The following MITF variants were observed in gnomAD, a reference collection of about 807,000 sequenced individuals.
MITF encodes the protein microphthalmia-associated transcription factor.
MITF carries 17 observed loss-of-function variants against 60.5 expected under a neutral mutation model. The observed-to-expected ratio is 0.28, with a 90% confidence interval of 0.19 to 0.42. MITF has a LOEUF of 0.42. Ranked by LOEUF, MITF falls within the 10% of genes least tolerant of loss-of-function variation. MITF has a pLI of 1.00. For synonymous variants in MITF, 260 were observed against 248.5 expected (o/e 1.05, Z -0.43); for missense variants, 622 against 683.5 (o/e 0.91, Z 1.00).
chr3:69,968,096 T>C lies in MITF; in HGVS notation c.*2848T>C. 4.3e-6 allele frequency: 1 copy of C among 233,436 alleles called. No homozygotes were observed. The highest frequency in any genetic ancestry group is 8.5e-6 in the Non-Finnish European group (1 of 117,914). The allele number at this position is 233,436 out of a possible 1,614,324, so 14.5% of individuals were successfully genotyped here. On this transcript the variant is annotated 3_prime_UTR_variant, in exon 10 of 10. Transcript: ENST00000352241. ...TTATTAATATTTTTGAAAAATGCACTGGGAAAAAGTTGATGTCAATAACAG... is the reference window on the plus strand; with the variant it reads ...TTATTAATATTTTTGAAAAATGCACCGGGAAAAAGTTGATGTCAATAACAG...
At chr3:69,878,262 T>G (rs1291846693) in intron 1 of MITF, among the ~76,000 whole-genome samples, 1 of 152,208 alleles carries the variant, frequency 6.6e-6, no homozygotes, top group Admixed American at 6.5e-5. Context: ...TTTAATAACT[T>G]GATGTCATAG....
chr3:69,808,127 A>T (rs1171535163), intron 1 of MITF, among the ~76,000 whole-genome samples: 1 of 141,330 alleles, frequency 7.1e-6, no homozygotes, highest in Non-Finnish European at 1.5e-5. Flanking sequence ...AATATATAAT[A>T]TAAAAATATA....
chr3:69,748,201 T>C (rs1703802819), intron 1 of MITF, among the ~76,000 whole-genome samples: 1 of 152,246 alleles, frequency 6.6e-6, no homozygotes, highest in Non-Finnish European at 1.5e-5. Flanking sequence ...TTTTAGTAGC[T>C]GTGTTCTTTG....
chr3:69,930,625 TTGAA>T (rs1477967191), intron 2 of MITF, among the ~76,000 whole-genome samples: 1 of 152,200 alleles, frequency 6.6e-6, no homozygotes, highest in Non-Finnish European at 1.5e-5. Flanking sequence ...TATTTGTTGA[TTGAA>T]TGGTGAACAT....
intron 1 of MITF, among the ~76,000 whole-genome samples, chr3:69,868,730 C>T (rs2064164199): frequency 1.3e-5 from 2 of 151,960 alleles, no homozygotes; most frequent in African/African-American, 4.8e-5. Context: ...GAAATCCCGT[C>T]TCTACTAAAA....
At chr3:69,899,887 G>A (rs1465367346) in intron 2 of MITF, among the ~76,000 whole-genome samples, 1 of 152,160 alleles carries the variant, frequency 6.6e-6, no homozygotes, top group Non-Finnish European at 1.5e-5. Flanking sequence ...TTACCTCTGA[G>A]TGATGTCTCT....
intron 1 of MITF, among the ~76,000 whole-genome samples, chr3:69,787,358 A>G (rs1464677151): frequency 6.6e-6 from 1 of 152,216 alleles, no homozygotes; most frequent in African/African-American, 2.4e-5. Context: ...TCATGACACA[A>G]TTGACCTGAT....
At chr3:69,954,824 A>G (rs2066355839) in intron 7 of MITF, among the ~76,000 whole-genome samples, 1 of 152,188 alleles carries the variant, frequency 6.6e-6, no homozygotes, top group Non-Finnish European at 1.5e-5. Flanking sequence ...ATAATCCCTC[A>G]GCCAAAACAA....
At chr3:69,936,450 C>A in intron 2 of MITF, 2 of 519,558 alleles carry the variant, frequency 3.8e-6, no homozygotes, top group Non-Finnish European at 6.2e-6. Flanking sequence ...TGACGTCAAG[C>A]CAGGGGGAAA....
intron 2 of MITF, among the ~76,000 whole-genome samples, chr3:69,928,912 C>CT (rs1180371296): frequency 1.3e-5 from 2 of 152,140 alleles, no homozygotes; most frequent in East Asian, 3.9e-4. Context: ...GCCCTACTGG[C>CT]TTGTTGTACT....
At chr3:69,778,446 T>C (rs2062510223) in intron 1 of MITF, among the ~76,000 whole-genome samples, 1 of 152,170 alleles carries the variant, frequency 6.6e-6, no homozygotes, top group Non-Finnish European at 1.5e-5. Flanking sequence ...AGGGATTTAT[T>C]TATCTCCATA....
chr3:69,866,283 G>T (rs757030191), intron 1 of MITF: 1 of 1,613,334 alleles, frequency 6.2e-7, no homozygotes, highest in African/African-American at 1.3e-5. Context: ...CACCTTAAAG[G>T]AAAAAAGATG....
chr3:69,788,356 A>T (rs1376860941), intron 1 of MITF, among the ~76,000 whole-genome samples: 1 of 141,902 alleles, frequency 7.0e-6, no homozygotes, highest in South Asian at 2.3e-4. Context: ...TCATTGTTCA[A>T]TTCCCACCTA....
chr3:69,794,216 AG>A (rs1398609765), intron 1 of MITF, among the ~76,000 whole-genome samples: 7 of 152,200 alleles, frequency 4.6e-5, no homozygotes, highest in African/African-American at 1.7e-4. Flanking sequence ...TTCTGTGAAA[AG>A]GTGAGCTATA....
At chr3:69,865,158 A>G (rs749998874) in intron 1 of MITF, among the ~76,000 whole-genome samples, 6 of 152,142 alleles carry the variant, frequency 3.9e-5, no homozygotes, top group Admixed American at 3.3e-4. Flanking sequence ...ACTCCTGGCT[A>G]GATATTTCCT....
At chr3:69,948,831 ACTTT>A (rs2066166744) in intron 5 of MITF, among the ~76,000 whole-genome samples, 1 of 152,154 alleles carries the variant, frequency 6.6e-6, no homozygotes, top group Non-Finnish European at 1.5e-5. Flanking sequence ...GTGAGACTGT[ACTTT>A]CCTGCCTCAA....
intron 1 of MITF, among the ~76,000 whole-genome samples, chr3:69,807,843 C>T (rs1034411615): frequency 2.6e-5 from 4 of 152,058 alleles, no homozygotes; most frequent in Admixed American, 1.3e-4. Context: ...AACTAAGCTT[C>T]GTGATTGCAA....
chr3:69,866,496 C>A, intron 1 of MITF: 1 of 641,190 alleles, frequency 1.6e-6, no homozygotes. Flanking sequence ...TAATCAGCTT[C>A]AGCTGTAACC....
intron 1 of MITF, among the ~76,000 whole-genome samples, chr3:69,823,223 G>C (rs2063304054): frequency 6.6e-6 from 1 of 152,052 alleles, no homozygotes; most frequent in Non-Finnish European, 1.5e-5. Context: ...TAGACTTAAG[G>C]CTTGTTGCTT....
Sources: allele counts gnomAD v4.1 joint callset (sites outside exome capture counted in the v4.1 genomes callset), GRCh38; gene constraint gnomAD v4.1.1; transcripts MANE v1.5; gene names NCBI Gene and HGNC (gene_info 2026-07-23, HGNC 2026-07-21).